HIVEP3: variants seen among roughly 807,000 people sequenced by gnomAD.
The protein encoded by HIVEP3 is transcription factor HIVEP3.
HIVEP3 carries 49 observed loss-of-function variants against 152.8 expected under a neutral mutation model. The observed-to-expected ratio is 0.32, with a 90% CI of 0.26 to 0.41. The LOEUF is 0.41. HIVEP3 is among the 10% of genes least tolerant of loss of function. The probability of loss-of-function intolerance (pLI) is 1.00; values close to 1 mark genes in which losing one functional copy is unlikely to be tolerated. For synonymous variants in HIVEP3, 1,269 were observed against 1,289.0 expected (o/e 0.98, Z 0.33); for missense variants, 2,790 against 3,103.3 (o/e 0.90, Z 2.40).
chr1:41,812,290 G>A lies in HIVEP3; in HGVS notation c.-801+106123C>T, dbSNP rs113881307. On this transcript the variant is annotated intron_variant, in intron 1 of 8. Transcript: ENST00000372583. ...GACAGATGTTTAATAAGATGCCATG[G>A]GCCGGGTGCAGTGGCTCATGCCTGT... Among the ~76,000 whole-genome samples, 8 of 152,232 alleles carry A rather than the reference G, an allele frequency of 5.3e-5. 1 individual carries two copies. The highest frequency in any genetic ancestry group is 1.9e-4 in the African/African-American group (8 of 41,534).
At chr1:41,787,696 A>ATTT (rs879683214) in intron 1 of HIVEP3, among the ~76,000 whole-genome samples, 1 of 135,484 alleles carries the variant, frequency 7.4e-6, no homozygotes. Flanking sequence ...AATTAAAAAA[A>ATTT]TTTTTTTTTT....
chr1:41,749,333 T>C (rs1647120813), intron 1 of HIVEP3, among the ~76,000 whole-genome samples: 1 of 152,060 alleles, frequency 6.6e-6, no homozygotes, highest in African/African-American at 2.4e-5. Context: ...AAAAAATGCA[T>C]ATGATTCCTG....
chr1:41,753,818 T>C (rs1355173421), intron 1 of HIVEP3, among the ~76,000 whole-genome samples: 2 of 152,164 alleles, frequency 1.3e-5, no homozygotes, highest in African/African-American at 4.8e-5. Context: ...AGGCAGTGTA[T>C]TAGACATTAG....
chr1:41,787,712 GTAGAGAAAAAA>G (rs763711654), intron 1 of HIVEP3, among the ~76,000 whole-genome samples: 29 of 130,114 alleles, frequency 2.2e-4, no homozygotes, highest in Non-Finnish European at 4.0e-4. Context: ...TTTTTTTTTT[GTAGAGAAAAAA>G]TAGAGAAAAC....
chr1:41,665,739 C>CACACACACACACACACAG (rs1645786697), intron 2 of HIVEP3, among the ~76,000 whole-genome samples: 1 of 151,626 alleles, frequency 6.6e-6, no homozygotes, highest in East Asian at 1.9e-4. Context: ...CACACACACA[C>CACACACACACACACACAG]AGTCTGGATC....
intron 2 of HIVEP3, among the ~76,000 whole-genome samples, chr1:41,644,693 C>CTTTTTTTTTTTT (rs60511656): frequency 2.0e-4 from 15 of 74,712 alleles, no homozygotes; most frequent in East Asian, 4.8e-4. Context: ...CATATCTGTT[C>CTTTTTTTTTTTT]TTTTTTTTTT....
chr1:41,559,297 T>C (rs1644019860), intron 5 of HIVEP3, among the ~76,000 whole-genome samples: 1 of 152,192 alleles, frequency 6.6e-6, no homozygotes, highest in Non-Finnish European at 1.5e-5. Context: ...TGTATTATCA[T>C]TTAAGGTTTT....
intron 1 of HIVEP3, among the ~76,000 whole-genome samples, chr1:42,032,276 G>A (rs1463812793): frequency 3.9e-5 from 6 of 152,054 alleles, no homozygotes; most frequent in South Asian, 2.1e-4. Context: ...TTTAAGACTC[G>A]GAGTCAGAAA....
At chr1:41,767,525 A>G (rs1037933651) in intron 1 of HIVEP3, among the ~76,000 whole-genome samples, 5 of 152,128 alleles carry the variant, frequency 3.3e-5, no homozygotes, top group Non-Finnish European at 5.9e-5. Context: ...GATACTGGAG[A>G]GTTCCAGGGT....
intron 1 of HIVEP3, among the ~76,000 whole-genome samples, chr1:41,886,712 CAAAAAAAAAAAA>C (rs71062602): frequency 4.8e-4 from 42 of 87,794 alleles, no homozygotes; most frequent in East Asian, 7.0e-4. Context: ...AACTCCATTT[CAAAAAAAAAAAA>C]AAAAAAAAAA....
At chr1:42,023,913 C>G (rs1328654120) in intron 1 of HIVEP3, among the ~76,000 whole-genome samples, 1 of 152,168 alleles carries the variant, frequency 6.6e-6, no homozygotes, top group Non-Finnish European at 1.5e-5. Context: ...ATCCCAGTAC[C>G]ATTTATTGGA....
At chr1:41,791,967 G>C (rs1649722988) in intron 1 of HIVEP3, among the ~76,000 whole-genome samples, 1 of 151,952 alleles carries the variant, frequency 6.6e-6, no homozygotes, top group African/African-American at 2.4e-5. Context: ...CAGCCTTCCA[G>C]ACCCAGCTCA....
At chr1:41,748,307 G>A (rs896914637) in intron 1 of HIVEP3, among the ~76,000 whole-genome samples, 2 of 152,192 alleles carry the variant, frequency 1.3e-5, no homozygotes, top group African/African-American at 4.8e-5. Flanking sequence ...AGTAAATGAA[G>A]AAGCCAGGGG....
chr1:41,667,315 G>A (rs896586950), intron 2 of HIVEP3, among the ~76,000 whole-genome samples: 1 of 152,212 alleles, frequency 6.6e-6, no homozygotes, highest in African/African-American at 2.4e-5. Flanking sequence ...TCAAGCTCAT[G>A]GAATAGTTTT....
intron 1 of HIVEP3, among the ~76,000 whole-genome samples, chr1:41,957,482 G>C (rs929780728): frequency 1.3e-5 from 2 of 152,166 alleles, no homozygotes; most frequent in Admixed American, 1.3e-4. Flanking sequence ...AATAGCTTAG[G>C]CAAGAAAATT....
chr1:42,035,137 T>C (rs757310061), intron 1 of HIVEP3, among the ~76,000 whole-genome samples: 5 of 152,192 alleles, frequency 3.3e-5, no homozygotes, highest in Non-Finnish European at 7.4e-5. Context: ...CTAAGTAAAT[T>C]TGTCCAACTG....
chr1:41,807,555 T>G (rs1239649859), intron 1 of HIVEP3, among the ~76,000 whole-genome samples: 2 of 152,078 alleles, frequency 1.3e-5, no homozygotes. Flanking sequence ...CGATAAGCAG[T>G]GACAGGGCAG....
At chr1:41,562,402 G>A (rs1644079335) in intron 5 of HIVEP3, among the ~76,000 whole-genome samples, 1 of 152,118 alleles carries the variant, frequency 6.6e-6, no homozygotes, top group South Asian at 2.1e-4. Flanking sequence ...TGGGCTGCAT[G>A]GCTAAAAAAT....
chr1:41,940,065 A>G (rs1050099245), intron 1 of HIVEP3, among the ~76,000 whole-genome samples: 1 of 152,192 alleles, frequency 6.6e-6, no homozygotes, highest in African/African-American at 2.4e-5. Context: ...TTTTTGAATG[A>G]TACCTAAAAG....
Sources: gnomAD v4.1 joint callset for allele counts (sites outside exome capture counted in the v4.1 genomes callset) on GRCh38, gnomAD v4.1.1 for gene constraint, MANE v1.5 for transcripts, NCBI Gene and HGNC (gene_info 2026-07-23, HGNC 2026-07-21) for gene names.